The following TRIM63 variants were observed in gnomAD, a reference collection of about 807,000 sequenced individuals.
TRIM63 encodes E3 ubiquitin-protein ligase TRIM63.
Under a neutral mutation model 46.0 loss-of-function variants are expected in TRIM63, and 48 were observed. The observed-to-expected ratio is 1.04, with a 90% CI of 0.83 to 1.33. The LOEUF (loss-of-function observed/expected upper bound fraction) is 1.33. Ranked by LOEUF, TRIM63 falls within the 40% of genes most tolerant of loss-of-function variation. The pLI, the probability that TRIM63 is intolerant of heterozygous loss-of-function variation, is 0.00. For synonymous variants in TRIM63, 175 were observed against 162.8 expected, an observed-to-expected ratio of 1.08 and a Z score of -0.57; for missense variants, 455 against 441.2, an observed-to-expected ratio of 1.03 and a Z score of -0.28.
chr1:26,065,529 ACTC>A (rs1300179789), intron 2 of TRIM63, among the ~76,000 whole-genome samples: 5 of 150,624 alleles, frequency 3.3e-5, no homozygotes, highest in African/African-American at 1.2e-4. Flanking sequence ...CTTGTCTTGA[ACTC>A]CTGGCCTCAA....
In TRIM63 at chr1:26,058,454, G is replaced by C; in HGVS notation, c.767C>G (p.Ser256Cys). 1 of 1,614,160 alleles carries C rather than the reference G, an allele frequency of 6.2e-7. No homozygotes were observed. Among genetic ancestry groups the C allele is most frequent in the Non-Finnish European group, 8.5e-7 (1 of 1,180,036 alleles). Residue 256 changes from serine (S) to cysteine (C), a missense_variant, in exon 5 of 9, where the codon TCC (serine) becomes TGC (cysteine). Coordinates refer to ENST00000374272, the MANE Select transcript of TRIM63 (RefSeq NM_032588.4). ...IQQYQEQLDK[S>C]TKLVETAIQS... Reference sequence around the variant, plus strand: ...GATGGCAGTTTCCACCAGCTTTGTGGACTTGTCCAGCTGCTCCTGGTACTG... The same window carrying C: ...GATGGCAGTTTCCACCAGCTTTGTGCACTTGTCCAGCTGCTCCTGGTACTG...
chr1:26,054,056 C>A, intron 7 of TRIM63, 92 bp from the exon 8 acceptor site: 2 of 891,502 alleles, frequency 2.2e-6, no homozygotes, highest in South Asian at 3.7e-5. Context: ...CGGTCTAAAC[C>A]CCTTCCTGTG....
chr1:26,051,894 GA>G lies in TRIM63; in HGVS notation c.1052-12del. 1.5e-6 allele frequency: 2 copies of G among 1,316,214 alleles called. No homozygotes were observed. The highest frequency in any genetic ancestry group is 9.8e-7 in the Non-Finnish European group (1 of 1,023,446). 81.5% of individuals were successfully genotyped at this position (1,316,214 alleles called of 1,614,324 possible). A position where few individuals can be genotyped will look rare whatever the true frequency, so the allele number is the denominator to read the frequency against. ...CTCCTTACTGGTGTCCTGAAATGAA[GA>G]AAAAGATACAGAGGCAAGGGGTGAG... On this transcript the variant is annotated splice_polypyrimidine_tract_variant and intron_variant, in intron 8 of 8. Transcript: ENST00000374272.
At chr1:26,060,237 C>T (rs2050610632) in intron 4 of TRIM63, 29 bp downstream of exon 4, 2 of 1,599,544 alleles carry the variant, frequency 1.3e-6, no homozygotes, top group South Asian at 2.2e-5. Flanking sequence ...AGCTCCAAAT[C>T]CCCAGGCAGG....
intron 6 of TRIM63, 65 bp downstream of exon 6, chr1:26,057,563 C>A (rs980345159): frequency 1.3e-6 from 2 of 1,561,236 alleles, no homozygotes; most frequent in Non-Finnish European, 1.7e-6. Context: ...CAGGATGAGG[C>A]TTCCTGGACA....
At chr1:26,067,236 A>G in intron 1 of TRIM63, 100 bp downstream of exon 1, 1 of 1,442,028 alleles carries the variant, frequency 6.9e-7, no homozygotes, top group South Asian at 1.3e-5. Flanking sequence ...CCAAGGGGAA[A>G]GAGGCTGTCC....
intron 8 of TRIM63, 38 bp downstream of exon 8, chr1:26,053,855 T>A: frequency 6.8e-7 from 1 of 1,476,928 alleles, no homozygotes; most frequent in Non-Finnish European, 9.4e-7. Context: ...GTGGAATGAA[T>A]GAAGGAACGA....
At chr1:26,066,143 T>C in intron 2 of TRIM63, 125 bp downstream of exon 2, 1 of 1,099,108 alleles carries the variant, frequency 9.1e-7, no homozygotes, top group Non-Finnish European at 1.3e-6. Flanking sequence ...TCTGAATGGC[T>C]TGTGTAGCTA....
At position 26,058,575 on chromosome 1, in the gene TRIM63, A is replaced by T. The variant is rs191648198; in HGVS notation, c.646T>A (p.Leu216Met). 6.2e-7 allele frequency: 1 copy of T among 1,614,132 alleles called. No homozygotes were observed. The highest frequency in any genetic ancestry group is 1.7e-5 in the Admixed American group (1 of 60,018). Residue 216 changes from leucine to methionine, a missense_variant, in exon 5 of 9, where the codon TTG (leucine) becomes ATG (methionine). Physicochemically the swap from Leu to Met is conservative, Grantham distance 15. Transcript: ENST00000374272. ...TTCTTCTCATCCAGGATGGCATACA[A>T]CGTGTCAAACTTCTGGCTCAGCTCT... ...KEELSQKFDT[L>M]YAILDEKKSE...
At chr1:26,053,684 AG>A (rs1315443469) in intron 8 of TRIM63, among the ~76,000 whole-genome samples, 1 of 152,168 alleles carries the variant, frequency 6.6e-6, no homozygotes, top group Non-Finnish European at 1.5e-5. Context: ...GTGAAATGGG[AG>A]CATTTTATTA....
At chr1:26,057,438 A>G in intron 6 of TRIM63, 111 bp from the exon 7 acceptor site, 1 of 1,461,024 alleles carries the variant, frequency 6.8e-7, no homozygotes, top group Non-Finnish European at 9.3e-7. Flanking sequence ...GCTCCCCTGG[A>G]GGGATGGAGT....
At chr1:26,063,589 C>G (rs1216784508) in intron 2 of TRIM63, among the ~76,000 whole-genome samples, 2 of 152,302 alleles carry the variant, frequency 1.3e-5, no homozygotes, top group South Asian at 2.1e-4. Context: ...CTGGTTCATG[C>G]GCCCGCAGCC....
intron 8 of TRIM63, among the ~76,000 whole-genome samples, chr1:26,053,315 C>T (rs867955651): frequency 1.6e-4 from 24 of 152,130 alleles, no homozygotes; most frequent in South Asian, 1.5e-3. Flanking sequence ...TGCAGTGGCA[C>T]GATCTCGGCT....
At chr1:26,066,969 T>C (rs574298560) in intron 1 of TRIM63, among the ~76,000 whole-genome samples, 1 of 151,852 alleles carries the variant, frequency 6.6e-6, no homozygotes. Flanking sequence ...CTCCCAAAGC[T>C]CTGGGCCTCT....
chr1:26,060,154 C>T, intron 4 of TRIM63, 112 bp downstream of exon 4: 1 of 815,288 alleles, frequency 1.2e-6, no homozygotes. Context: ...GCTTGACCGC[C>T]CCAGGCTCCG....
At position 26,060,252 on chromosome 1, in the gene TRIM63, T is replaced by C. The variant is rs947478648; in HGVS notation, c.597+14A>G. The C allele has an allele frequency of 7.4e-6, 12 of 1,611,150 alleles. No individual in the cohort carries two copies. The African/African-American group carries it at 1.2e-4, about 16-fold the overall frequency. ...AGCTCCAAATCCCCAGGCAGGACTA[T>C]TCTGTCCGCTCACCTTGGTCACTCG... On this transcript the variant is annotated intron_variant, in intron 4 of 8. Transcript: ENST00000374272.
At chr1:26,052,813 A>G (rs1338670865) in intron 8 of TRIM63, among the ~76,000 whole-genome samples, 1 of 152,152 alleles carries the variant, frequency 6.6e-6, no homozygotes, top group Non-Finnish European at 1.5e-5. Context: ...GCACTCTGGG[A>G]CTACAAGGAA....
chr1:26,061,309 G>T lies in TRIM63; in HGVS notation c.358C>A (p.Pro120Thr). 1 of 1,614,124 alleles carries T rather than the reference G, an allele frequency of 6.2e-7. No individual in the cohort carries two copies. The highest frequency in any genetic ancestry group is 8.5e-7 in the Non-Finnish European group (1 of 1,180,016). The change falls in exon 3 of 9, where the codon CCC (proline) becomes ACC (threonine). Residue 120 changes from proline to threonine, a missense_variant. Transcript: ENST00000374272. ...TCATCTTCGTGCTCCTTGCACATGG[G>T]GTGACTGCCCTTCTGCAGCGGCCGA... Reference protein sequence around the residue: ...SSRPLQKGSHPMCKEHEDEKI... With the variant: ...SSRPLQKGSHTMCKEHEDEKI...
rs1308313325 is a variant in TRIM63 at position 26,067,353 on chromosome 1, C to G, written c.142G>C (p.Ala48Pro). The G allele has an allele frequency of 6.2e-7, 1 of 1,614,110 alleles. No individual in the cohort carries two copies. The highest frequency in any genetic ancestry group is 8.5e-7 in the Non-Finnish European group (1 of 1,180,010). ...GCACTTACCTGGAAGATGTCATTGG[C>G]ACACTTCCGGCACAGGTTGTGCTGG... ...PCQHNLCRKC[A>P]NDIFQAANPY... is the part of the protein sequence containing the mutation. Residue 48 changes from alanine (A) to proline (P), a missense_variant, in exon 1 of 9, where the codon GCC (alanine) becomes CCC (proline). Ala to Pro is a conservative substitution (Grantham distance 27). Transcript: ENST00000374272.
Sources: allele counts gnomAD v4.1 joint callset (sites outside exome capture counted in the v4.1 genomes callset), GRCh38; gene constraint gnomAD v4.1.1; transcripts MANE v1.5; gene names NCBI Gene and HGNC (gene_info 2026-07-23, HGNC 2026-07-21).